Variants in SGCZ observed in about 807,000 individuals in gnomAD.
SGCZ encodes the protein zeta-sarcoglycan.
Under a neutral mutation model 41.3 loss-of-function variants are expected in SGCZ, and 40 were observed. That is an observed-to-expected ratio of 0.97 (90% CI 0.75 to 1.26). SGCZ has a LOEUF of 1.26. Among genes scored for constraint, SGCZ ranks in the 50% most tolerant of loss-of-function variants. The pLI is 0.00. For missense variants in SGCZ, 552 were observed against 369.8 expected, an observed-to-expected ratio of 1.49 and a Z score of -4.04; for synonymous variants, 206 against 137.5, an observed-to-expected ratio of 1.50 and a Z score of -3.49.
intron 1 of SGCZ, among the ~76,000 whole-genome samples, chr8:14,959,137 C>G (rs995558971): frequency 6.6e-5 from 10 of 152,074 alleles, no homozygotes; most frequent in Non-Finnish European, 1.0e-4. Flanking sequence ...TTGAGCAATA[C>G]AACCAAAATA....
At chr8:14,777,712 G>C (rs1800453073) in intron 1 of SGCZ, among the ~76,000 whole-genome samples, 1 of 152,126 alleles carries the variant, frequency 6.6e-6, no homozygotes. Context: ...TAGAAAAAAA[G>C]TGTTAATGCA....
At chr8:15,045,811 C>T (rs1438558431) in intron 1 of SGCZ, among the ~76,000 whole-genome samples, 1 of 151,978 alleles carries the variant, frequency 6.6e-6, no homozygotes, top group African/African-American at 2.4e-5. Flanking sequence ...CCCCTCAGTG[C>T]AGACACCATC....
chr8:14,767,559 T>C (rs1800079763), intron 1 of SGCZ, among the ~76,000 whole-genome samples: 1 of 152,218 alleles, frequency 6.6e-6, no homozygotes, highest in Non-Finnish European at 1.5e-5. Context: ...GCTGCCTAGT[T>C]GCAGTGAGAT....
At chr8:14,181,859 T>G (rs1246476213) in intron 4 of SGCZ, among the ~76,000 whole-genome samples, 1 of 152,230 alleles carries the variant, frequency 6.6e-6, no homozygotes, top group Non-Finnish European at 1.5e-5. Context: ...GAGAACAGAC[T>G]AATACACCTG....
chr8:15,223,821 G>C (rs1178738976), intron 1 of SGCZ, among the ~76,000 whole-genome samples: 1 of 151,326 alleles, frequency 6.6e-6, no homozygotes, highest in Non-Finnish European at 1.5e-5. Context: ...AATCATTATG[G>C]GTTGCAGTTG....
At chr8:14,190,469 T>C (rs1462702102) in intron 4 of SGCZ, among the ~76,000 whole-genome samples, 1 of 152,126 alleles carries the variant, frequency 6.6e-6, no homozygotes, top group African/African-American at 2.4e-5. Flanking sequence ...AATGTTTTAA[T>C]ATCACAATTC....
chr8:14,941,262 A>G (rs1168108293), intron 1 of SGCZ, among the ~76,000 whole-genome samples: 2 of 152,142 alleles, frequency 1.3e-5, no homozygotes, highest in Non-Finnish European at 2.9e-5. Flanking sequence ...ACTATCCTAC[A>G]GATATAAAAG....
At chr8:15,109,376 G>C (rs907274195) in intron 1 of SGCZ, among the ~76,000 whole-genome samples, 3 of 152,088 alleles carry the variant, frequency 2.0e-5, no homozygotes, top group Non-Finnish European at 4.4e-5. Flanking sequence ...ATTTGAGAAG[G>C]AATGTTGGCC....
intron 1 of SGCZ, among the ~76,000 whole-genome samples, chr8:14,636,399 T>TA (rs1443469804): frequency 1.3e-5 from 2 of 151,934 alleles, no homozygotes; most frequent in African/African-American, 4.8e-5. Flanking sequence ...CAGCTAGTCT[T>TA]ACTAAGCTAT....
chr8:15,236,599 G>A (rs1802130240), intron 1 of SGCZ, among the ~76,000 whole-genome samples: 1 of 152,112 alleles, frequency 6.6e-6, no homozygotes, highest in Non-Finnish European at 1.5e-5. Context: ...TTTCGTTTAC[G>A]GTGAGCGGGA....
intron 2 of SGCZ, among the ~76,000 whole-genome samples, chr8:14,530,936 C>G (rs1342041584): frequency 6.6e-6 from 1 of 152,060 alleles, no homozygotes; most frequent in Admixed American, 6.6e-5. Context: ...TACAGGTACA[C>G]AAATGATAGC....
intron 2 of SGCZ, among the ~76,000 whole-genome samples, chr8:14,479,917 G>C (rs1390695124): frequency 8.6e-5 from 2 of 23,346 alleles, no homozygotes; most frequent in African/African-American, 9.9e-5. Context: ...GACTAATTTT[G>C]TATTTTTAGT....
intron 5 of SGCZ, among the ~76,000 whole-genome samples, chr8:14,120,202 G>A (rs1802656192): frequency 1.3e-5 from 2 of 152,264 alleles, no homozygotes; most frequent in African/African-American, 2.4e-5. Flanking sequence ...TGGAATATAA[G>A]TTTGGTTTAA....
At chr8:14,757,328 C>T (rs1461227957) in intron 1 of SGCZ, among the ~76,000 whole-genome samples, 1 of 152,212 alleles carries the variant, frequency 6.6e-6, no homozygotes, top group African/African-American at 2.4e-5. Flanking sequence ...GGACTGCAGG[C>T]GTGAGCCACC....
intron 1 of SGCZ, among the ~76,000 whole-genome samples, chr8:14,965,462 A>G (rs138935126): frequency 3.0e-4 from 45 of 152,320 alleles, no homozygotes; most frequent in African/African-American, 1.0e-3. Context: ...GAGTGGCAAT[A>G]TACAATTCTT....
chr8:14,438,163 T>C lies in SGCZ; in HGVS notation c.235-113959A>G, dbSNP rs1346438095. Among the ~76,000 whole-genome samples the C allele has an allele frequency of 5.3e-5, 8 of 152,014 alleles. No homozygotes were observed. The East Asian group carries it at 9.6e-4, about 18-fold the overall frequency. ...CACAATAGCTGTTAATTTCAAACTTTAGCATGTTGTAAAAATAAGGTGGAT... is the reference window on the plus strand; with the variant it reads ...CACAATAGCTGTTAATTTCAAACTTCAGCATGTTGTAAAAATAAGGTGGAT... On this transcript the variant is annotated intron_variant, in intron 2 of 7. Transcript: ENST00000382080.
At chr8:15,147,055 C>T (rs1267992125) in intron 1 of SGCZ, among the ~76,000 whole-genome samples, 1 of 152,100 alleles carries the variant, frequency 6.6e-6, no homozygotes, top group African/African-American at 2.4e-5. Context: ...CATGAAATTA[C>T]CTTTCAAAAG....
At chr8:14,615,121 G>C (rs1806057028) in intron 1 of SGCZ, among the ~76,000 whole-genome samples, 1 of 152,116 alleles carries the variant, frequency 6.6e-6, no homozygotes, top group Non-Finnish European at 1.5e-5. Context: ...CAGTAAAGGA[G>C]AAACATTATG....
intron 1 of SGCZ, among the ~76,000 whole-genome samples, chr8:14,776,985 G>A (rs1315488670): frequency 1.3e-5 from 2 of 152,160 alleles, no homozygotes; most frequent in South Asian, 2.1e-4. Flanking sequence ...AATGGCACCC[G>A]AATGTTCAGA....
Sources: gnomAD v4.1 joint callset for allele counts (sites outside exome capture counted in the v4.1 genomes callset) on GRCh38, gnomAD v4.1.1 for gene constraint, MANE v1.5 for transcripts, NCBI Gene and HGNC (gene_info 2026-07-23, HGNC 2026-07-21) for gene names.